The following GPC5 variants were observed in gnomAD, a reference collection of about 807,000 sequenced individuals.
GPC5 encodes the protein glypican-5.
A neutral mutation model predicts 53.9 loss-of-function variants in GPC5; 47 were observed. The observed-to-expected ratio is 0.87, with a 90% CI of 0.69 to 1.11. The LOEUF (loss-of-function observed/expected upper bound fraction) is 1.11, where lower values mean the gene tolerates loss of function less well. GPC5 is among the 50% of genes most tolerant of loss of function. The probability of loss-of-function intolerance (pLI) is 0.00; values close to 1 mark genes in which losing one functional copy is unlikely to be tolerated. For synonymous variants in GPC5, 286 were observed against 263.3 expected, an observed-to-expected ratio of 1.09 and a Z score of -0.84; for missense variants, 748 against 713.1, an observed-to-expected ratio of 1.05 and a Z score of -0.56.
chr13:92,084,908 T>A (rs773102460), intron 6 of GPC5, among the ~76,000 whole-genome samples: 6 of 152,146 alleles, frequency 3.9e-5, no homozygotes, highest in Admixed American at 6.6e-5. Flanking sequence ...CAGAAATATA[T>A]TCCTCACAGT....
At chr13:91,676,881 G>C (rs74948155) in intron 2 of GPC5, among the ~76,000 whole-genome samples, 1 of 152,188 alleles carries the variant, frequency 6.6e-6, no homozygotes, top group South Asian at 2.1e-4. Context: ...GGATTAGGTA[G>C]GGTAGGGACA....
intron 5 of GPC5, among the ~76,000 whole-genome samples, chr13:91,823,877 G>A (rs2038534392): frequency 6.6e-6 from 1 of 151,904 alleles, no homozygotes; most frequent in African/African-American, 2.4e-5. Context: ...ATAATCTTAT[G>A]TGTAATACCT....
At chr13:92,183,147 C>T (rs1018964410) in intron 7 of GPC5, among the ~76,000 whole-genome samples, 1 of 152,166 alleles carries the variant, frequency 6.6e-6, no homozygotes, top group African/African-American at 2.4e-5. Context: ...CCACCATTCC[C>T]CATTACATGT....
intron 7 of GPC5, among the ~76,000 whole-genome samples, chr13:92,268,994 A>G (rs1440348943): frequency 6.6e-6 from 1 of 151,874 alleles, no homozygotes; most frequent in African/African-American, 2.4e-5. Flanking sequence ...TATATATAGG[A>G]CTTCTTAATT....
At chr13:92,624,572 A>G (rs1884986049) in intron 7 of GPC5, among the ~76,000 whole-genome samples, 1 of 152,210 alleles carries the variant, frequency 6.6e-6, no homozygotes, top group South Asian at 2.1e-4. Context: ...AAGATGAGAC[A>G]GTTCTCTCAC....
chr13:92,723,037 C>T (rs777896046), intron 7 of GPC5, among the ~76,000 whole-genome samples: 24 of 151,506 alleles, frequency 1.6e-4, no homozygotes, highest in African/African-American at 4.6e-4. Flanking sequence ...TAGACAGAAC[C>T]GGGTTTAAAT....
At chr13:91,833,035 G>A (rs1396399781) in intron 5 of GPC5, among the ~76,000 whole-genome samples, 1 of 151,954 alleles carries the variant, frequency 6.6e-6, no homozygotes, top group Non-Finnish European at 1.5e-5. Context: ...GAATCAAATA[G>A]ATGCAATAAA....
At chr13:92,483,103 G>A (rs1036424496) in intron 7 of GPC5, among the ~76,000 whole-genome samples, 14 of 152,250 alleles carry the variant, frequency 9.2e-5, no homozygotes, top group East Asian at 3.9e-4. Flanking sequence ...GGAGGAAACC[G>A]TCCCCATGAT....
intron 5 of GPC5, among the ~76,000 whole-genome samples, chr13:91,878,336 A>C (rs1448687512): frequency 7.2e-5 from 11 of 152,230 alleles, no homozygotes. Context: ...AATCATCCTA[A>C]AATGAGTACT....
chr13:92,290,072 A>G (rs1280150012), intron 7 of GPC5, among the ~76,000 whole-genome samples: 1 of 152,194 alleles, frequency 6.6e-6, no homozygotes, highest in South Asian at 2.1e-4. Context: ...TACTTATTCA[A>G]CTGGCAATTA....
At chr13:92,774,378 C>G (rs1196206584) in intron 7 of GPC5, among the ~76,000 whole-genome samples, 3 of 152,196 alleles carry the variant, frequency 2.0e-5, no homozygotes, top group African/African-American at 7.2e-5. Flanking sequence ...TTAAACATCA[C>G]TTTCTGTATT....
rs190613455 is a variant in GPC5, at chr13:92,293,725, A to G, written c.1561+148736A>G. Among the ~76,000 whole-genome samples the G allele has an allele frequency of 7.5e-3, 1,146 of 152,190 alleles. 8 individuals carry two copies. Among genetic ancestry groups the G allele is most frequent in the Non-Finnish European group, 0.012 (828 of 68,008 alleles). On this transcript the variant is annotated intron_variant, in intron 7 of 7. Transcript: ENST00000377067. ...TGCTCTGGCTAGGACTTCCAGTACT[A>G]TGTTGAAGAGGAGTGGTGAGAGTGG...
At chr13:91,663,709 C>T (rs2035039857) in intron 2 of GPC5, among the ~76,000 whole-genome samples, 1 of 152,104 alleles carries the variant, frequency 6.6e-6, no homozygotes, top group Non-Finnish European at 1.5e-5. Context: ...AGCAGTCTTC[C>T]CACATCAGCC....
rs137926882 is a variant in GPC5 at position 92,054,750 on chromosome 13, A to T, written c.1402-90080A>T. ...TTTTCTCTATTTGCAGTACTATTGC[A>T]AAGATCATGCTGCAGTTCTTCCCTT... On this transcript the variant is annotated intron_variant, in intron 6 of 7. Coordinates refer to ENST00000377067, the MANE Select transcript of GPC5 (RefSeq NM_004466.6). Among the ~76,000 whole-genome samples the T allele has an allele frequency of 1.0e-3, 157 of 152,346 alleles. 1 individual carries two copies. The highest frequency in any genetic ancestry group is 3.3e-3 in the African/African-American group (139 of 41,584).
At chr13:92,087,740 T>C (rs529032976) in intron 6 of GPC5, among the ~76,000 whole-genome samples, 1 of 152,288 alleles carries the variant, frequency 6.6e-6, no homozygotes, top group East Asian at 1.9e-4. Context: ...GTGTCTCATA[T>C]CTCTGCCTTC....
chr13:91,742,641 G>A (rs1403928730), intron 4 of GPC5, among the ~76,000 whole-genome samples: 2 of 152,046 alleles, frequency 1.3e-5, no homozygotes, highest in East Asian at 3.9e-4. Flanking sequence ...TTTTTGTTTT[G>A]AGGGTAACAA....
chr13:92,326,250 T>C (rs2043249942), intron 7 of GPC5, among the ~76,000 whole-genome samples: 1 of 152,100 alleles, frequency 6.6e-6, no homozygotes, highest in South Asian at 2.1e-4. Flanking sequence ...AAGTATATCC[T>C]GCAACTATGA....
intron 2 of GPC5, among the ~76,000 whole-genome samples, chr13:91,638,472 T>A (rs1194880591): frequency 6.6e-6 from 1 of 151,938 alleles, no homozygotes; most frequent in Non-Finnish European, 1.5e-5. Context: ...TTCAAGCAAT[T>A]CTCCTACCCC....
intron 2 of GPC5, among the ~76,000 whole-genome samples, chr13:91,564,675 C>T (rs1413865141): frequency 1.3e-5 from 2 of 152,018 alleles, no homozygotes; most frequent in African/African-American, 2.4e-5. Flanking sequence ...AGCAAATTTG[C>T]TTATAGGTAT....
Sources: gnomAD v4.1 joint callset for allele counts (sites outside exome capture counted in the v4.1 genomes callset) on GRCh38, gnomAD v4.1.1 for gene constraint, MANE v1.5 for transcripts, NCBI Gene and HGNC (gene_info 2026-07-23, HGNC 2026-07-21) for gene names.